CLN6: variants seen among roughly 807,000 people sequenced by gnomAD.
CLN6 encodes ceroid-lipofuscinosis neuronal protein 6.
A neutral mutation model predicts 33.3 loss-of-function variants in CLN6; 22 were observed. That is an observed-to-expected ratio of 0.66 (90% CI 0.47 to 0.94). The LOEUF (loss-of-function observed/expected upper bound fraction) is 0.94, where lower values mean the gene tolerates loss of function less well. CLN6 is among the 40% of genes least tolerant of loss of function. CLN6 has a pLI of 0.00. For missense variants in CLN6, 387 were observed against 417.1 expected, an observed-to-expected ratio of 0.93 and a Z score of 0.63; for synonymous variants, 201 against 174.6, an observed-to-expected ratio of 1.15 and a Z score of -1.19.
intron 3 of CLN6, chr15:68,212,578 A>G (rs2093209248): frequency 6.5e-6 from 1 of 153,120 alleles, no homozygotes; most frequent in African/African-American, 2.4e-5. Context: ...ACAGGGTCTC[A>G]CTCTGTCACT....
intron 1 of CLN6, among the ~76,000 whole-genome samples, chr15:68,250,179 T>C (rs565004829): frequency 6.6e-6 from 1 of 152,304 alleles, no homozygotes; most frequent in South Asian, 2.1e-4. Flanking sequence ...GATTTGATTA[T>C]ACAAATGTAC....
Position 68,214,277 on chromosome 15 carries a change from C to G in CLN6, c.297+13G>C. The G allele has an allele frequency of 1.3e-6, 2 of 1,597,804 alleles. No homozygotes were observed. The highest frequency in any genetic ancestry group is 1.7e-6 in the Non-Finnish European group (2 of 1,165,226). On this transcript the variant is annotated intron_variant, in intron 3 of 6. Transcript: ENST00000249806. ...GGGGATGACAGGAGAGAGTGGGGGC[C>G]CTGGGACAGTACCTTGAGCAAGAGA...
At position 68,208,981 on chromosome 15, in the gene CLN6, G is replaced by A. The variant is rs956377407; in HGVS notation, c.666-571C>T. On this transcript the variant is annotated intron_variant, in intron 6 of 6. Transcript: ENST00000249806. The surrounding 1 kb of genome is among the most constrained non-coding windows in gnomAD (Gnocchi z 5.8). Reference sequence around the variant, plus strand: ...TGAGGGAGGCCTCCCATCAGAGAAGGGTCCAGTCCTGCCCCGACCCTGTCC... The same window carrying A: ...TGAGGGAGGCCTCCCATCAGAGAAGAGTCCAGTCCTGCCCCGACCCTGTCC... Among the ~76,000 whole-genome samples the A allele has an allele frequency of 6.6e-6, 1 of 152,172 alleles. No individual in the cohort carries two copies. Among genetic ancestry groups the A allele is most frequent in the Non-Finnish European group, 1.5e-5 (1 of 68,034 alleles).
intron 2 of CLN6, chr15:68,215,120 G>A (rs1051500212): frequency 4.1e-4 from 63 of 152,402 alleles, no homozygotes; most frequent in African/African-American, 1.5e-3. Context: ...CCCCCAAACT[G>A]TACTTCTAGT....
In CLN6 at chr15:68,242,746, T is replaced by C. The variant is rs1045884399; in HGVS notation, c.179+13944A>G. Among the ~76,000 whole-genome samples the C allele has an allele frequency of 3.3e-5, 5 of 152,254 alleles. No homozygotes were observed. Among genetic ancestry groups the C allele is most frequent in the Admixed American group, 1.3e-4 (2 of 15,290 alleles). The stretch of plus-strand genomic sequence containing the variant: ...AATTAAGGTCAGATATCAGACTTGC[T>C]AAATGCTTTAAGGTCAAACTGTTTC... On this transcript the variant is annotated intron_variant, in intron 1 of 6. Coordinates refer to the CLN6 transcript ENST00000538696. This position sits in a 1 kb window ranked among gnomAD's most constrained non-coding sequence, Gnocchi z 5.0.
In CLN6 at chr15:68,209,544, G is replaced by A. The variant is rs763839778; in HGVS notation, c.665+93C>T. ...GCCCAAAGAGGGCCAGTCTCCCTGG[G>A]GCCACACAGCAGGTCCATTGGCAAG... On this transcript the variant is annotated intron_variant, in intron 6 of 6. Coordinates refer to ENST00000249806, the MANE Select transcript of CLN6 (RefSeq NM_017882.3). This position sits in a 1 kb window ranked among gnomAD's most constrained non-coding sequence, Gnocchi z 4.9. 4.2e-5 allele frequency: 65 copies of A among 1,551,268 alleles called. 2 individuals carry two copies. In the South Asian group the frequency reaches 5.0e-4, roughly 12 times the overall value.
rs893993478 is a variant in CLN6, at chr15:68,247,163, G to A, written c.179+9527C>T. Among the ~76,000 whole-genome samples, 5 of 151,968 alleles carry A rather than the reference G, an allele frequency of 3.3e-5. No homozygotes were observed. Among genetic ancestry groups the A allele is most frequent in the African/African-American group, 1.2e-4 (5 of 41,290 alleles). On this transcript the variant is annotated intron_variant, in intron 1 of 6. Transcript: ENST00000538696. This position sits in a 1 kb window ranked among gnomAD's most constrained non-coding sequence, Gnocchi z 4.2. The stretch of plus-strand genomic sequence containing the variant: ...CATAGTATTGGAAGTCCTGTCCATA[G>A]CAATTAGGCAAGAGAAAGAAATAAA...
At position 68,256,770 on chromosome 15, in the gene CLN6, C is replaced by G. The variant is rs1181898533; in HGVS notation, c.99G>C (p.Leu33Phe). 2.8e-6 allele frequency: 2 copies of G among 702,298 alleles called. No homozygotes were observed. The highest frequency in any genetic ancestry group is 5.2e-6 in the Non-Finnish European group (2 of 384,732). The allele number at this position is 702,298 out of a possible 1,614,324, so 43.5% of individuals were successfully genotyped here. The change falls in exon 1 of 7, where the codon TTG becomes TTC. Residue 33 changes from leucine to phenylalanine, a missense_variant. Transcript: ENST00000538696. This position sits in a 1 kb window ranked among gnomAD's most constrained non-coding sequence, Gnocchi z 4.1. ...GCGCCAGTGGCTTGAAGGCTCGGCT[C>G]AAGCCCGCCTCGCCTCCCTCCCTCC... is the stretch of plus-strand genomic sequence containing the variant.
Position 68,218,584 on chromosome 15 carries a change from G to A in CLN6, c.150C>T (p.Tyr50=). 1.2e-6 allele frequency: 2 copies of A among 1,614,056 alleles called. No individual in the cohort carries two copies. The highest frequency in any genetic ancestry group is 1.7e-6 in the Non-Finnish European group (2 of 1,179,956). The change falls in exon 2 of 7, where the codon TAC becomes TAT. Residue 50 remains tyrosine (Y), a synonymous_variant. Coordinates refer to ENST00000249806, the MANE Select transcript of CLN6 (RefSeq NM_017882.3). ...CCAGAACCCAGTTCTGCAGTGTGAA[G>A]TAGAACCAGAGGTCGAGGTGGAAGG... ...TAPFHLDLWF[Y]FTLQNWVLDF... is the part of the protein sequence containing the mutation.
At chr15:68,225,652 A>G (rs2093249528) in intron 1 of CLN6, among the ~76,000 whole-genome samples, 1 of 152,144 alleles carries the variant, frequency 6.6e-6, no homozygotes, top group Admixed American at 6.5e-5. Flanking sequence ...ACACATGGCT[A>G]ATTTTTAAAA....
rs573288332 is a variant in CLN6 at position 68,256,481 on chromosome 15, G to T, written c.179+209C>A. ...ATGTGGCTCGCACTGTATTTCTGTT[G>T]GGCAGCACTGCTCTAGCCGTTATTA... On this transcript the variant is annotated intron_variant, in intron 1 of 6. Transcript: ENST00000538696. This position sits in a 1 kb window ranked among gnomAD's most constrained non-coding sequence, Gnocchi z 4.1. Among the ~76,000 whole-genome samples, 1 of 137,918 alleles carries T rather than the reference G, an allele frequency of 7.3e-6. No individual in the cohort carries two copies. Among genetic ancestry groups the T allele is most frequent in the African/African-American group, 2.5e-5 (1 of 39,804 alleles). 90.5% of individuals were successfully genotyped at this position (137,918 alleles called of 152,430 possible).
chr15:68,254,536 T>G, intron 1 of CLN6: 1 of 428,162 alleles, frequency 2.3e-6, no homozygotes, highest in Non-Finnish European at 4.3e-6. Context: ...GAAATGATAA[T>G]ATTTTGAGCA....
At chr15:68,221,247 T>G (rs1371129786) in intron 1 of CLN6, among the ~76,000 whole-genome samples, 1 of 29,234 alleles carries the variant, frequency 3.4e-5, no homozygotes, top group Non-Finnish European at 6.5e-5. Flanking sequence ...CCCCTCTCCC[T>G]CGCTTCTTCC....
At chr15:68,248,749 T>G (rs554973553) in intron 1 of CLN6, among the ~76,000 whole-genome samples, 4 of 151,936 alleles carry the variant, frequency 2.6e-5, no homozygotes, top group Non-Finnish European at 5.9e-5. Context: ...GGCAAAGATT[T>G]TTTTGTGTAA....
chr15:68,217,537 G>C (rs779358831), intron 2 of CLN6, among the ~76,000 whole-genome samples: 42 of 152,120 alleles, frequency 2.8e-4, no homozygotes, highest in Admixed American at 7.2e-4. Context: ...GCCCCAAAAG[G>C]GCTTTGCTAA....
rs1567097958 is a variant in CLN6 at position 68,218,640 on chromosome 15, CAG to C, written c.92_93del (p.Ser31CysfsTer4). 1 of 1,613,422 alleles carries C rather than the reference CAG, an allele frequency of 6.2e-7. No individual in the cohort carries two copies. Among genetic ancestry groups the C allele is most frequent in the Non-Finnish European group, 8.5e-7 (1 of 1,179,600 alleles). On this transcript the variant is annotated frameshift_variant, in exon 2 of 7. Transcript: ENST00000249806. LOFTEE classifies it high-confidence loss of function. Reference protein sequence around the residue: ...GASFLQARHGSVSADEAARTA... With the variant: ...GASFLQARHGXVSADEAARTA... ...GTGCGGGCAGCCTCATCAGCGCTCA[CAG>C]AGCCATGCCTGGGAAGGAACCAGAC...
rs1442336209 is a variant in CLN6 at position 68,256,773 on chromosome 15, G to A, written c.96C>T (p.Gly32=). ...CCAGTGGCTTGAAGGCTCGGCTCAA[G>A]CCCGCCTCGCCTCCCTCCCTCCTAG... Residue 32 remains glycine (G), a synonymous_variant, in exon 1 of 7, where the codon GGC becomes GGT. Transcript: ENST00000538696. The surrounding 1 kb of genome is among the most constrained non-coding windows in gnomAD (Gnocchi z 4.1). 2.8e-6 allele frequency: 2 copies of A among 702,240 alleles called. No homozygotes were observed. The highest frequency in any genetic ancestry group is 2.7e-5 in the East Asian group (1 of 37,284). 43.5% of individuals were successfully genotyped at this position (702,240 alleles called of 1,614,324 possible). A position where few individuals can be genotyped will look rare whatever the true frequency, so the allele number is the denominator to read the frequency against.
chr15:68,246,197 C>A lies in CLN6; in HGVS notation c.179+10493G>T, dbSNP rs1359011058. Among the ~76,000 whole-genome samples, 3 of 152,120 alleles carry A rather than the reference C, an allele frequency of 2.0e-5. No individual in the cohort carries two copies. The highest frequency in any genetic ancestry group is 4.4e-5 in the Non-Finnish European group (3 of 68,032). ...TCAACAAAGAAGCATCAGAATTGAA[C>A]TACACACTAGACCAAATAGGCCTAA... On this transcript the variant is annotated intron_variant, in intron 1 of 6. Transcript: ENST00000538696. This position sits in a 1 kb window ranked among gnomAD's most constrained non-coding sequence, Gnocchi z 4.5.
chr15:68,244,433 C>A (rs950043362), intron 1 of CLN6, among the ~76,000 whole-genome samples: 2 of 150,532 alleles, frequency 1.3e-5, no homozygotes, highest in African/African-American at 4.9e-5. Context: ...AAAAAAAAAA[C>A]TGCCATCCAA....
Sources: gnomAD v4.1 joint callset for allele counts (sites outside exome capture counted in the v4.1 genomes callset) on GRCh38, gnomAD v4.1.1 for gene constraint, Gnocchi (gnomAD v3.1) non-coding constraint, MANE v1.5 for transcripts, NCBI Gene and HGNC (gene_info 2026-07-23, HGNC 2026-07-21) for gene names.